The following THAP12 variants were observed in gnomAD, a reference collection of about 807,000 sequenced individuals.
THAP12 encodes the protein 52 kDa repressor of the inhibitor of the protein kinase.
THAP12 carries 20 observed loss-of-function variants against 63.0 expected under a neutral mutation model. That is an observed-to-expected ratio of 0.32 (90% CI 0.22 to 0.46). The LOEUF (loss-of-function observed/expected upper bound fraction) is 0.46, where lower values mean the gene tolerates loss of function less well. Among genes scored for constraint, THAP12 ranks in the 20% least tolerant of loss-of-function variants. The pLI, the probability that THAP12 is intolerant of heterozygous loss-of-function variation, is 1.00. For synonymous variants in THAP12, 264 were observed against 328.4 expected, an observed-to-expected ratio of 0.80 and a Z score of 2.12; for missense variants, 568 against 908.2, an observed-to-expected ratio of 0.63 and a Z score of 4.81.
chr11:76,374,447 T>C (rs772739141), intron 1 of THAP12, among the ~76,000 whole-genome samples: 1 of 151,852 alleles, frequency 6.6e-6, no homozygotes, highest in Non-Finnish European at 1.5e-5. Flanking sequence ...CTTTAAGTAT[T>C]AGAGAGCTGT....
chr11:76,366,682 GA>G (rs755862384), intron 1 of THAP12, among the ~76,000 whole-genome samples: 4,671 of 137,366 alleles, frequency 0.034, 76 homozygotes, highest in Non-Finnish European at 0.048. Flanking sequence ...CTCCGTCTCG[GA>G]AAAAAAAAAA....
chr11:76,375,904 T>C (rs1315209672), intron 1 of THAP12, among the ~76,000 whole-genome samples: 1 of 152,172 alleles, frequency 6.6e-6, no homozygotes, highest in East Asian at 1.9e-4. Context: ...ACGAGGAGGT[T>C]TGATTTGGAT....
At chr11:76,359,888 G>A (rs997289595) in intron 3 of THAP12, among the ~76,000 whole-genome samples, 10 of 151,888 alleles carry the variant, frequency 6.6e-5, no homozygotes, top group Non-Finnish European at 1.5e-4. Context: ...AAAAAGAAGA[G>A]TTAAACAATC....
chr11:76,362,079 T>C (rs1461119427), intron 2 of THAP12, among the ~76,000 whole-genome samples: 1 of 152,220 alleles, frequency 6.6e-6, no homozygotes, highest in East Asian at 1.9e-4. Context: ...GTAACGGTCC[T>C]ACTGCCAGCC....
At chr11:76,380,294 C>T (rs1946744094) in intron 1 of THAP12, among the ~76,000 whole-genome samples, 1 of 152,126 alleles carries the variant, frequency 6.6e-6, no homozygotes, top group African/African-American at 2.4e-5. Flanking sequence ...AAGAAGGTAG[C>T]GGGACTCAAA....
At chr11:76,358,506 T>C (rs956369513) in intron 3 of THAP12, 9 of 152,126 alleles carry the variant, frequency 5.9e-5, no homozygotes, top group African/African-American at 1.7e-4. Flanking sequence ...ATAAGTTAAA[T>C]ATAAAAACAG....
At chr11:76,355,052 T>C (rs922089333) in intron 4 of THAP12, among the ~76,000 whole-genome samples, 1 of 152,156 alleles carries the variant, frequency 6.6e-6, no homozygotes, top group Admixed American at 6.5e-5. Flanking sequence ...CTCAATAAAA[T>C]GCTACGTTAA....
At chr11:76,360,090 T>C (rs2226895) in intron 3 of THAP12, among the ~76,000 whole-genome samples, 29,334 of 152,078 alleles carry the variant, frequency 0.19, 3,394 homozygotes, top group Admixed American at 0.33. Context: ...GGGAAAACAG[T>C]TTCTCTATAA....
intron 1 of THAP12, among the ~76,000 whole-genome samples, chr11:76,373,551 TA>T (rs1164489153): frequency 1.3e-5 from 2 of 151,568 alleles, no homozygotes; most frequent in African/African-American, 2.4e-5. Context: ...ACCCTGTCTC[TA>T]AAAAAAATTT....
chr11:76,356,864 G>C (rs1027687050), intron 3 of THAP12: 1 of 152,092 alleles, frequency 6.6e-6, no homozygotes, highest in Non-Finnish European at 1.5e-5. Flanking sequence ...CCAACATGGA[G>C]AACCCTCGTC....
At chr11:76,356,211 C>CTTT (rs1163325610) in intron 3 of THAP12, 1 of 152,288 alleles carries the variant, frequency 6.6e-6, no homozygotes, top group Non-Finnish European at 1.5e-5. Flanking sequence ...CAGCTGCATC[C>CTTT]TTTACTTTCC....
intron 1 of THAP12, among the ~76,000 whole-genome samples, chr11:76,377,501 C>T (rs1320914802): frequency 6.6e-6 from 1 of 152,166 alleles, no homozygotes; most frequent in Non-Finnish European, 1.5e-5. Flanking sequence ...AATCATACAA[C>T]ATATAAGCTT....
At chr11:76,361,199 T>A (rs1284007582) in intron 2 of THAP12, 136 bp from the exon 3 acceptor site, 25 of 568,278 alleles carry the variant, frequency 4.4e-5, no homozygotes, top group Non-Finnish European at 7.3e-5. Context: ...GAATTTGATG[T>A]CAGTTCAGGT....
chr11:76,374,099 A>T (rs1401263124), intron 1 of THAP12, among the ~76,000 whole-genome samples: 4 of 152,192 alleles, frequency 2.6e-5, no homozygotes, highest in Non-Finnish European at 5.9e-5. Flanking sequence ...TATATGAAGA[A>T]AATCTAGCCT....
At chr11:76,374,907 C>A (rs973367121) in intron 1 of THAP12, among the ~76,000 whole-genome samples, 1 of 152,134 alleles carries the variant, frequency 6.6e-6, no homozygotes, top group South Asian at 2.1e-4. Flanking sequence ...TTGCCCCTTC[C>A]GCCATGTGAG....
chr11:76,365,423 C>A (rs1161133325), intron 2 of THAP12, among the ~76,000 whole-genome samples: 1 of 151,784 alleles, frequency 6.6e-6, no homozygotes. Flanking sequence ...CTCACTCTGT[C>A]GCCCAGAGTG....
At position 76,352,374 on chromosome 11, in the gene THAP12, A is replaced by C. The variant is rs138095393; in HGVS notation, c.776T>G (p.Phe259Cys). The change falls in exon 5 of 5, where the codon TTC becomes TGC. Residue 259 changes from phenylalanine (F) to cysteine (C), a missense_variant. Physicochemically the swap from Phe to Cys is radical, Grantham distance 205. Coordinates refer to ENST00000260045, the MANE Select transcript of THAP12 (RefSeq NM_004705.4). Reference protein sequence around the residue: ...ETLREVRDSHFFSIITDDVVD... With the variant: ...ETLREVRDSHCFSIITDDVVD... ...TACATCGTCAGTGATAATGGAAAAG[A>C]AGTGTGAGTCTCTCACTTCCCTGAG... is the stretch of plus-strand genomic sequence containing the variant. 4.0e-4 allele frequency: 643 copies of C among 1,611,900 alleles called. 2 individuals are homozygous for C. Among genetic ancestry groups the C allele is most frequent in the Non-Finnish European group, 5.2e-4 (608 of 1,179,848 alleles).
chr11:76,366,199 A>C (rs895812900), intron 1 of THAP12, among the ~76,000 whole-genome samples: 3 of 152,160 alleles, frequency 2.0e-5, no homozygotes, highest in African/African-American at 7.2e-5. Flanking sequence ...ACTTGTTTGG[A>C]GGGAAGTACA....
intron 1 of THAP12, among the ~76,000 whole-genome samples, chr11:76,370,299 T>C (rs533353024): frequency 6.6e-6 from 1 of 152,286 alleles, no homozygotes; most frequent in South Asian, 2.1e-4. Flanking sequence ...TTTTCATGGA[T>C]ATGTTACTCT....
Sources: gnomAD v4.1 joint callset for allele counts (sites outside exome capture counted in the v4.1 genomes callset) on GRCh38, gnomAD v4.1.1 for gene constraint, MANE v1.5 for transcripts, NCBI Gene and HGNC (gene_info 2026-07-23, HGNC 2026-07-21) for gene names.